ANKRD18A: variants seen among roughly 807,000 people sequenced by gnomAD.
ANKRD18A encodes ankyrin repeat domain-containing protein 18A.
Under a neutral mutation model 110.6 loss-of-function variants are expected in ANKRD18A, and 72 were observed. The ratio of observed to expected loss-of-function variants is 0.65; its 90% CI spans 0.54 to 0.79. The LOEUF is 0.79. Among genes scored for constraint, ANKRD18A ranks in the 30% least tolerant of loss-of-function variants. ANKRD18A has a pLI of 0.00. For synonymous variants in ANKRD18A, 305 were observed against 410.3 expected (o/e 0.74, Z 3.10); for missense variants, 934 against 1,163.3 (o/e 0.80, Z 2.87).
chr9:38,607,153 T>C (rs933552951), intron 6 of ANKRD18A, among the ~76,000 whole-genome samples: 5 of 152,070 alleles, frequency 3.3e-5, no homozygotes, highest in Admixed American at 6.5e-5. Flanking sequence ...ACTTCCCGGG[T>C]TCAAGTGATT....
downstream of ANKRD18A, chr9:38,570,974 C>A: frequency 1.3e-6 from 1 of 785,738 alleles, no homozygotes; most frequent in Non-Finnish European, 1.8e-6. Context: ...GCTGCTGGGT[C>A]TCCCAGGGCC....
At chr9:38,600,466 C>T (rs584776) in intron 8 of ANKRD18A, among the ~76,000 whole-genome samples, 8 of 152,128 alleles carry the variant, frequency 5.3e-5, no homozygotes, top group Non-Finnish European at 8.8e-5. Context: ...TCTGCTTATA[C>T]CCAGATCTAA....
At chr9:38,612,453 A>T (rs1177331583) in intron 3 of ANKRD18A, among the ~76,000 whole-genome samples, 1 of 151,882 alleles carries the variant, frequency 6.6e-6, no homozygotes, top group Non-Finnish European at 1.5e-5. Flanking sequence ...AAAAGTGCTA[A>T]TACTGATGTA....
chr9:38,574,419 A>G (rs531359857), intron 15 of ANKRD18A, among the ~76,000 whole-genome samples: 1 of 152,244 alleles, frequency 6.6e-6, no homozygotes, highest in African/African-American at 2.4e-5. Flanking sequence ...TTTAGGTATA[A>G]CCCTAGTATA....
At chr9:38,600,778 A>C (rs1471404793) in intron 8 of ANKRD18A, among the ~76,000 whole-genome samples, 1 of 152,184 alleles carries the variant, frequency 6.6e-6, no homozygotes, top group Non-Finnish European at 1.5e-5. Context: ...AGGTGAACTC[A>C]GTGGCCATCA....
Position 38,575,643 on chromosome 9 carries a change from T to A in ANKRD18A, c.2797A>T (p.Met933Leu). 1 of 1,551,772 alleles carries A rather than the reference T, an allele frequency of 6.4e-7. No individual in the cohort carries two copies. Among genetic ancestry groups the A allele is most frequent in the Non-Finnish European group, 8.7e-7 (1 of 1,146,882 alleles). Reference sequence around the variant, plus strand: ...GGAAGAGTGCTGAGAAAATATTTCATCCGCTGTTTCTCCGTAAAGAGCTTG... The same window carrying A: ...GGAAGAGTGCTGAGAAAATATTTCAACCGCTGTTTCTCCGTAAAGAGCTTG... The part of the protein sequence containing the change: ...STKLFTEKQR[M>L]KYFLSTLPTR... Residue 933 changes from methionine to leucine, a missense_variant, in exon 15 of 16, where the codon ATG becomes TTG. By Grantham distance (15) the Met-to-Leu change is conservative. This residue lies in a region of ANKRD18A where 223 missense variants were observed against 226.7 expected (regional missense o/e 0.98). Coordinates refer to ENST00000399703, the MANE Select transcript of ANKRD18A (RefSeq NM_147195.4).
Position 38,596,397 on chromosome 9 carries a change from G to T in ANKRD18A, c.943C>A (p.Gln315Lys). Residue 315 changes from glutamine to lysine, a missense_variant, in exon 9 of 16, where the codon CAA (glutamine) becomes AAA (lysine). Coordinates refer to ENST00000399703, the MANE Select transcript of ANKRD18A (RefSeq NM_147195.4). ...RSENKQPQDS[Q>K]SYGKKKDAMY... ...GCATCCTTCTTTTTTCCGTAACTTT[G>T]AGAATCCTAAATAAAACAAAACAAA... 6.9e-7 allele frequency: 1 copy of T among 1,442,302 alleles called. No homozygotes were observed. Among genetic ancestry groups the T allele is most frequent in the South Asian group, 1.6e-5 (1 of 63,028 alleles). The allele number at this position is 1,442,302 out of a possible 1,614,324, so 89.3% of individuals were successfully genotyped here.
intron 10 of ANKRD18A, among the ~76,000 whole-genome samples, chr9:38,589,668 C>T (rs1376081850): frequency 6.6e-6 from 1 of 152,198 alleles, no homozygotes; most frequent in East Asian, 1.9e-4. Flanking sequence ...CTCTGGTCCT[C>T]CTGATTCTGC....
intron 3 of ANKRD18A, among the ~76,000 whole-genome samples, chr9:38,613,544 A>G (rs1419756741): frequency 6.6e-6 from 1 of 151,596 alleles, no homozygotes; most frequent in Non-Finnish European, 1.5e-5. Flanking sequence ...CACCTCAAGA[A>G]TTTTCCCAAC....
At chr9:38,569,295 G>T (rs1823554445), downstream of ANKRD18A, 1 of 960,378 alleles carries the variant, frequency 1.0e-6, no homozygotes, top group South Asian at 4.8e-5. Context: ...GGCACCTGGT[G>T]AGTGCTCAGG....
chr9:38,607,440 C>T lies in ANKRD18A; in HGVS notation c.794G>A (p.Arg265Gln), dbSNP rs143654781. ...HKNKMLKNHL[R>Q]NDNQETAAMK... is the part of the protein sequence containing the mutation. ...AGAAGTCTTACCTTGATTGTCATTT[C>T]GAAGATGATTTTTAAGCATTTTATT... Residue 265 changes from arginine to glutamine, a missense_variant, in exon 6 of 16, where the codon CGA becomes CAA. Around this residue, in one of 4 missense-constraint regions of ANKRD18A, gnomAD observed 630 missense variants for 797.5 expected, o/e 0.79. Coordinates refer to ENST00000399703, the MANE Select transcript of ANKRD18A (RefSeq NM_147195.4). The T allele has an allele frequency of 6.5e-3, 9,764 of 1,499,940 alleles. 87 individuals are homozygous for T. The highest frequency in any genetic ancestry group is 0.034 in the African/African-American group (2,350 of 70,106). The allele number at this position is 1,499,940 out of a possible 1,614,324, so 92.9% of individuals were successfully genotyped here.
Position 38,596,225 on chromosome 9 carries a change from C to T in ANKRD18A, c.1115G>A (p.Ser372Asn), listed in dbSNP as rs1440112686. 1 of 1,538,370 alleles carries T rather than the reference C, an allele frequency of 6.5e-7. No homozygotes were observed. Among genetic ancestry groups the T allele is most frequent in the Non-Finnish European group, 8.7e-7 (1 of 1,143,062 alleles). ...ITEINANFEK[S>N]VRLNEKMITK... ...TATCATTTTTTCATTGAGTCTTACA[C>T]TCTTTTCAAAGTTAGCATTTATTTC... The change falls in exon 9 of 16, where the codon AGT becomes AAT. Residue 372 changes from serine to asparagine, a missense_variant. By Grantham distance (46) the Ser-to-Asn change is conservative. This residue lies in a region of ANKRD18A where 630 missense variants were observed against 797.5 expected (regional missense o/e 0.79). Coordinates refer to ENST00000399703, the MANE Select transcript of ANKRD18A (RefSeq NM_147195.4).
rs1225632648 is a variant in ANKRD18A at position 38,575,467 on chromosome 9, A to G, written c.2964+9T>C. The G allele has an allele frequency of 7.1e-6, 11 of 1,546,372 alleles. No homozygotes were observed. Among genetic ancestry groups the G allele is most frequent in the Admixed American group, 2.0e-5 (1 of 50,286 alleles). ...TGAAACCCAAAAGAGAAATGGTCAT[A>G]TAACTAACCTCAGTCAAGAAGTTCT... is the stretch of plus-strand genomic sequence containing the variant. On this transcript the variant is annotated intron_variant, in intron 15 of 15. Transcript: ENST00000399703.
At chr9:38,619,576 C>T (rs1356077293) in intron 1 of ANKRD18A, among the ~76,000 whole-genome samples, 1 of 152,094 alleles carries the variant, frequency 6.6e-6, no homozygotes. Flanking sequence ...AATGATAAAA[C>T]CTTGATATCT....
chr9:38,616,978 T>A (rs1825884900), intron 1 of ANKRD18A, among the ~76,000 whole-genome samples: 1 of 152,110 alleles, frequency 6.6e-6, no homozygotes, highest in Admixed American at 6.5e-5. Context: ...TATCACACAA[T>A]CCATGAGGTC....
chr9:38,588,092 GATAA>G (rs968733542), intron 11 of ANKRD18A, among the ~76,000 whole-genome samples: 1 of 151,878 alleles, frequency 6.6e-6, no homozygotes, highest in Admixed American at 6.6e-5. Flanking sequence ...TGTCTCAAAA[GATAA>G]ATAAATAAAT....
At chr9:38,603,124 T>C in intron 7 of ANKRD18A, 35 bp downstream of exon 7, 16 of 1,519,662 alleles carry the variant, frequency 1.1e-5, no homozygotes, top group Non-Finnish European at 1.4e-5. Context: ...CCAGTCTCTT[T>C]ACATGGTTAG....
intron 6 of ANKRD18A, among the ~76,000 whole-genome samples, chr9:38,607,159 T>G (rs1825398468): frequency 1.3e-5 from 2 of 152,140 alleles, no homozygotes; most frequent in Admixed American, 6.5e-5. Flanking sequence ...CGGGTTCAAG[T>G]GATTCTTCTG....
intron 10 of ANKRD18A, among the ~76,000 whole-genome samples, chr9:38,590,700 G>A (rs1025426467): frequency 6.6e-6 from 1 of 152,134 alleles, no homozygotes; most frequent in Non-Finnish European, 1.5e-5. Flanking sequence ...ACTCAACTAT[G>A]TCATTGGGAA....
Sources: gnomAD v4.1 joint callset for allele counts (sites outside exome capture counted in the v4.1 genomes callset) on GRCh38, gnomAD v4.1.1 for gene constraint, gnomAD v4.1.1 regional missense constraint, MANE v1.5 for transcripts, NCBI Gene and HGNC (gene_info 2026-07-23, HGNC 2026-07-21) for gene names.